The following COL23A1 variants were observed in gnomAD, a reference collection of about 807,000 sequenced individuals.
COL23A1 encodes collagen alpha-1(XXIII) chain.
COL23A1 carries 97 observed loss-of-function variants against 99.3 expected under a neutral mutation model. The ratio of observed to expected loss-of-function variants is 0.98; its 90% CI spans 0.83 to 1.16. The LOEUF (loss-of-function observed/expected upper bound fraction) is 1.16. Among genes scored for constraint, COL23A1 ranks in the 50% most tolerant of loss-of-function variants. The pLI, the probability that COL23A1 is intolerant of heterozygous loss-of-function variation, is 0.00. For missense variants in COL23A1, 762 were observed against 757.4 expected (o/e 1.01, Z -0.07); for synonymous variants, 320 against 308.2 (o/e 1.04, Z -0.40).
At chr5:178,374,458 G>A (rs985784930) in intron 2 of COL23A1, among the ~76,000 whole-genome samples, 2 of 152,182 alleles carry the variant, frequency 1.3e-5, no homozygotes, top group African/African-American at 2.4e-5. Flanking sequence ...CCACGCCTCC[G>A]TAAGGTTTTT....
intron 13 of COL23A1, 22 bp from the exon 14 acceptor site, chr5:178,256,950 T>C (rs747149621): frequency 1.2e-6 from 2 of 1,611,552 alleles, no homozygotes; most frequent in Non-Finnish European, 8.5e-7. Context: ...ACAGCTGCAG[T>C]GAGAGCAAGT....
intron 3 of COL23A1, among the ~76,000 whole-genome samples, chr5:178,291,799 A>G (rs1757474061): frequency 6.6e-6 from 1 of 152,108 alleles, no homozygotes; most frequent in African/African-American, 2.4e-5. Flanking sequence ...GGGCTCGCAC[A>G]GTAGCGATGC....
Position 178,242,382 on chromosome 5 carries a change from G to A in COL23A1, c.1453C>T (p.Pro485Ser). The A allele has an allele frequency of 1.2e-6, 2 of 1,614,110 alleles. No individual in the cohort carries two copies. Among genetic ancestry groups the A allele is most frequent in the Middle Eastern group, 1.6e-4 (1 of 6,062 alleles). Residue 485 changes from proline (P) to serine (S), a missense_variant, in exon 26 of 29, where the codon CCC (proline) becomes TCC (serine). Transcript: ENST00000390654. ...CTCCGATCACCTTTCTCTCCTCGGGGTCCAGGGAAACCCTGACAAAAGGAT... is the reference window on the plus strand; with the variant it reads ...CTCCGATCACCTTTCTCTCCTCGGGATCCAGGGAAACCCTGACAAAAGGAT... ...GEPGLDGFPG[P>S]RGEKGDRSER...
chr5:178,242,681 G>T (rs966241103), intron 25 of COL23A1, among the ~76,000 whole-genome samples: 1 of 152,216 alleles, frequency 6.6e-6, no homozygotes, highest in Non-Finnish European at 1.5e-5. Flanking sequence ...TCACAGACGC[G>T]GCTGGCACTG....
In COL23A1 at chr5:178,341,404, G is replaced by C. The variant is rs557084057; in HGVS notation, c.362-34485C>G. ...CCTCCCATGCAGGGCACACTTTGGT[G>C]GCCCTCTCCCGGACCCCTGCTCCAA... On this transcript the variant is annotated intron_variant, in intron 2 of 28. Coordinates refer to ENST00000390654, the MANE Select transcript of COL23A1 (RefSeq NM_173465.4). Among the ~76,000 whole-genome samples the C allele has an allele frequency of 1.4e-4, 22 of 152,286 alleles. No individual in the cohort carries two copies. The East Asian group carries it at 4.3e-3, about 29-fold the overall frequency.
intron 2 of COL23A1, among the ~76,000 whole-genome samples, chr5:178,484,380 AG>A (rs1368957112): frequency 1.5e-4 from 23 of 152,236 alleles, no homozygotes; most frequent in Admixed American, 1.5e-3. Flanking sequence ...GATGGCTCCG[AG>A]GTCCCCTCTC....
At chr5:178,400,366 CAAAAAA>C (rs58417444) in intron 2 of COL23A1, among the ~76,000 whole-genome samples, 1 of 62,832 alleles carries the variant, frequency 1.6e-5, no homozygotes, top group Non-Finnish European at 2.9e-5. Context: ...GACTCCGTCT[CAAAAAA>C]AAAAAAAAAA....
At chr5:178,304,340 G>A (rs1179227149) in intron 3 of COL23A1, among the ~76,000 whole-genome samples, 4 of 151,992 alleles carry the variant, frequency 2.6e-5, no homozygotes, top group Non-Finnish European at 5.9e-5. Context: ...GAAATCCCCC[G>A]TCTCTATTAA....
intron 2 of COL23A1, among the ~76,000 whole-genome samples, chr5:178,337,147 C>T (rs1278016391): frequency 2.6e-5 from 4 of 152,212 alleles, no homozygotes; most frequent in Non-Finnish European, 4.4e-5. Context: ...GTGTGGGCCA[C>T]GACACATTGC....
chr5:178,523,613 C>T (rs1760142421), intron 2 of COL23A1: 1 of 151,966 alleles, frequency 6.6e-6, no homozygotes. Context: ...CATGGAAGCT[C>T]GAGGATGGTG....
intron 2 of COL23A1, among the ~76,000 whole-genome samples, chr5:178,501,078 C>A (rs1220311313): frequency 6.6e-6 from 1 of 152,070 alleles, no homozygotes; most frequent in African/African-American, 2.4e-5. Context: ...CCACTATGCA[C>A]AAATAAAAGC....
At chr5:178,417,593 C>A (rs1255417261) in intron 2 of COL23A1, among the ~76,000 whole-genome samples, 6 of 152,158 alleles carry the variant, frequency 3.9e-5, no homozygotes, top group Admixed American at 3.3e-4. Context: ...ACCACAGGAT[C>A]CATATCAGAC....
chr5:178,364,083 C>T (rs573078102), intron 2 of COL23A1, among the ~76,000 whole-genome samples: 5 of 152,338 alleles, frequency 3.3e-5, no homozygotes, highest in Admixed American at 6.5e-5. Flanking sequence ...ACCTCGGTCC[C>T]GCCCCGGGTC....
chr5:178,449,436 C>CGA (rs1432620320), intron 2 of COL23A1, among the ~76,000 whole-genome samples: 2 of 152,184 alleles, frequency 1.3e-5, no homozygotes, highest in Non-Finnish European at 2.9e-5. Context: ...CGCTACAAAC[C>CGA]GAGAGGTTTC....
chr5:178,415,139 G>A lies in COL23A1; in HGVS notation c.362-108220C>T, dbSNP rs1030759432. 6.6e-6 allele frequency among the ~76,000 whole-genome samples: 1 copy of A among 151,116 alleles called. No individual in the cohort carries two copies. The highest frequency in any genetic ancestry group is 1.5e-5 in the Non-Finnish European group (1 of 67,756). ...GGTTCTCTCTGCCCCAGTGAGCTGG[G>A]CTGCTTGGATTCAGCCTCTGACTCT... On this transcript the variant is annotated intron_variant, in intron 2 of 28. Coordinates refer to ENST00000390654, the MANE Select transcript of COL23A1 (RefSeq NM_173465.4). This position sits in a 1 kb window ranked among gnomAD's most constrained non-coding sequence, Gnocchi z 4.6.
chr5:178,562,415 G>A (rs1233081874), intron 1 of COL23A1, among the ~76,000 whole-genome samples: 1 of 151,790 alleles, frequency 6.6e-6, no homozygotes, highest in Non-Finnish European at 1.5e-5. Flanking sequence ...TTAGCCGGGC[G>A]TGGTGGCGGG....
At chr5:178,242,448 C>G in intron 25 of COL23A1, 54 bp from the exon 26 acceptor site, 1 of 1,564,580 alleles carries the variant, frequency 6.4e-7, no homozygotes, top group Non-Finnish European at 8.8e-7. Context: ...GTTTGCCCCT[C>G]TGTTACCGGC....
rs1249105418 is a variant in COL23A1 at position 178,415,917 on chromosome 5, T to A, written c.362-108998A>T. Among the ~76,000 whole-genome samples, 1 of 151,922 alleles carries A rather than the reference T, an allele frequency of 6.6e-6. No homozygotes were observed. The highest frequency in any genetic ancestry group is 1.5e-5 in the Non-Finnish European group (1 of 67,980). ...CGAGGGAGGTGATTCCAGGGCTGGATGGGACCAGAGAGAGCTTTCAGGAGG... is the reference window on the plus strand; with the variant it reads ...CGAGGGAGGTGATTCCAGGGCTGGAAGGGACCAGAGAGAGCTTTCAGGAGG... On this transcript the variant is annotated intron_variant, in intron 2 of 28. Coordinates refer to ENST00000390654, the MANE Select transcript of COL23A1 (RefSeq NM_173465.4). This position sits in a 1 kb window ranked among gnomAD's most constrained non-coding sequence, Gnocchi z 4.6.
chr5:178,572,072 C>A (rs7725328), intron 1 of COL23A1, among the ~76,000 whole-genome samples: 1,160 of 108,884 alleles, frequency 0.011, 79 homozygotes, highest in African/African-American at 0.034. Flanking sequence ...TTTCTCAAAA[C>A]AAAAAAAAAA....
Sources: allele counts gnomAD v4.1 joint callset (sites outside exome capture counted in the v4.1 genomes callset), GRCh38; gene constraint gnomAD v4.1.1; non-coding constraint Gnocchi (gnomAD v3.1); transcripts MANE v1.5; gene names NCBI Gene and HGNC (gene_info 2026-07-23, HGNC 2026-07-21).